The following NRXN3 variants were observed in gnomAD, a reference collection of about 807,000 sequenced individuals.
NRXN3 encodes neurexin III.
NRXN3 carries 32 observed loss-of-function variants against 137.6 expected under a neutral mutation model. The ratio of observed to expected loss-of-function variants is 0.23; its 90% CI spans 0.18 to 0.31. The LOEUF (loss-of-function observed/expected upper bound fraction) is 0.31, where lower values mean the gene tolerates loss of function less well. Ranked by LOEUF, NRXN3 falls within the 10% of genes least tolerant of loss-of-function variation. The pLI is 1.00. For synonymous variants in NRXN3, 798 were observed against 784.5 expected (o/e 1.02, Z -0.29); for missense variants, 1,574 against 2,062.5 (o/e 0.76, Z 4.59).
chr14:78,252,864 C>T (rs879318416), intron 2 of NRXN3, among the ~76,000 whole-genome samples: 7 of 152,218 alleles, frequency 4.6e-5, no homozygotes, highest in Non-Finnish European at 7.3e-5. Context: ...AGGAGGGATA[C>T]GCTGGAAAGC....
At chr14:79,435,191 G>T (rs997868585) in intron 15 of NRXN3, among the ~76,000 whole-genome samples, 1 of 152,044 alleles carries the variant, frequency 6.6e-6, no homozygotes, top group African/African-American at 2.4e-5. Context: ...GAAGTAATTT[G>T]CTGAGGGATC....
chr14:78,793,476 G>A (rs1249056721), intron 8 of NRXN3, among the ~76,000 whole-genome samples: 1 of 152,138 alleles, frequency 6.6e-6, no homozygotes, highest in Non-Finnish European at 1.5e-5. Context: ...GTTTATTACA[G>A]CAAAAGTTAC....
At chr14:78,620,205 A>G (rs2097386991) in intron 4 of NRXN3, among the ~76,000 whole-genome samples, 1 of 152,180 alleles carries the variant, frequency 6.6e-6, no homozygotes, top group Admixed American at 6.5e-5. Flanking sequence ...AAGAAGAAAA[A>G]CACCAAATGC....
chr14:78,385,365 A>G (rs929877719), intron 4 of NRXN3, among the ~76,000 whole-genome samples: 6 of 151,990 alleles, frequency 3.9e-5, no homozygotes, highest in African/African-American at 1.5e-4. Flanking sequence ...ATAAAAAATT[A>G]TGAAAAGTGA....
chr14:79,174,299 C>G (rs1280252570), intron 15 of NRXN3, among the ~76,000 whole-genome samples: 7 of 151,930 alleles, frequency 4.6e-5, no homozygotes, highest in Admixed American at 4.6e-4. Context: ...TATCCTTAAA[C>G]CAATGAAAAG....
intron 15 of NRXN3, among the ~76,000 whole-genome samples, chr14:79,110,762 T>TTTTTTTTATTTATTTA (rs1555758036): frequency 7.2e-6 from 1 of 139,110 alleles, no homozygotes; most frequent in African/African-American, 2.7e-5. Flanking sequence ...GAAATTATTA[T>TTTTTTTTATTTATTTA]TTTATTTATT....
intron 15 of NRXN3, among the ~76,000 whole-genome samples, chr14:79,406,286 C>A (rs2095310362): frequency 7.0e-6 from 1 of 143,706 alleles, no homozygotes; most frequent in Admixed American, 7.1e-5. Flanking sequence ...CTCCCCTCTT[C>A]TCCCCTCCTC....
intron 20 of NRXN3, among the ~76,000 whole-genome samples, chr14:79,829,383 A>G (rs772171812): frequency 7.2e-5 from 11 of 152,348 alleles, no homozygotes; most frequent in South Asian, 2.1e-4. Context: ...CCTTCTATCA[A>G]CTGAGGAACA....
At chr14:79,356,071 T>G (rs1343762766) in intron 15 of NRXN3, among the ~76,000 whole-genome samples, 3 of 152,152 alleles carry the variant, frequency 2.0e-5, no homozygotes, top group African/African-American at 7.2e-5. Flanking sequence ...CAAAATTAGT[T>G]TTGTATTTTT....
In NRXN3 at chr14:79,469,204, A is replaced by G. The variant is rs115643679; in HGVS notation, c.3444+1802A>G. Among the ~76,000 whole-genome samples, 981 of 152,288 alleles carry G rather than the reference A, an allele frequency of 6.4e-3. 13 individuals are homozygous for G. The highest frequency in any genetic ancestry group is 0.023 in the African/African-American group (946 of 41,568). The stretch of plus-strand genomic sequence containing the variant: ...CAGACATGAGCATCTTTTTGAGTCA[A>G]ATAGTGTACTATTGTTTTATCCATT... On this transcript the variant is annotated intron_variant, in intron 16 of 20. Coordinates refer to ENST00000335750, the MANE Select transcript of NRXN3 (RefSeq NM_001330195.2).
Position 78,846,575 on chromosome 14 carries a change from C to A in NRXN3, c.2275+36231C>A, listed in dbSNP as rs145113334. On this transcript the variant is annotated intron_variant, in intron 10 of 20. Coordinates refer to ENST00000335750, the MANE Select transcript of NRXN3 (RefSeq NM_001330195.2). ...AAACAGGTGGTTATAAAGTTGCAAT[C>A]CTTCCATGAATTCCTTTATCTTTCC... Among the ~76,000 whole-genome samples, 569 of 152,158 alleles carry A rather than the reference C, an allele frequency of 3.7e-3. 2 individuals carry two copies. Among genetic ancestry groups the A allele is most frequent in the African/African-American group, 0.013 (534 of 41,540 alleles).
At chr14:78,660,992 A>C (rs2097835673) in intron 6 of NRXN3, among the ~76,000 whole-genome samples, 1 of 152,254 alleles carries the variant, frequency 6.6e-6, no homozygotes, top group Non-Finnish European at 1.5e-5. Context: ...GATGAATGCT[A>C]TCCCAGGATA....
chr14:78,845,765 A>T (rs949337215), intron 10 of NRXN3, among the ~76,000 whole-genome samples: 3 of 152,064 alleles, frequency 2.0e-5, no homozygotes, highest in African/African-American at 4.8e-5. Context: ...GATACATTAT[A>T]ATCTGCCTAT....
intron 15 of NRXN3, among the ~76,000 whole-genome samples, chr14:79,174,459 T>A (rs2061922): frequency 0.24 from 36,267 of 149,902 alleles, 4,713 homozygotes; most frequent in Non-Finnish European, 0.29. Flanking sequence ...AGCTTTTTTT[T>A]AAAAAAGATT....
intron 10 of NRXN3, among the ~76,000 whole-genome samples, chr14:78,837,373 C>T (rs963129050): frequency 1.3e-5 from 2 of 152,172 alleles, no homozygotes; most frequent in Middle Eastern, 3.4e-3. Context: ...AATGTTGGAT[C>T]CAACTGTGAA....
chr14:79,043,137 G>C (rs896547433), intron 15 of NRXN3, among the ~76,000 whole-genome samples: 3 of 152,140 alleles, frequency 2.0e-5, no homozygotes, highest in African/African-American at 7.2e-5. Flanking sequence ...AAAGTGGTGG[G>C]AATTATAGAA....
chr14:78,886,909 A>G (rs2099145483), intron 10 of NRXN3, among the ~76,000 whole-genome samples: 1 of 152,168 alleles, frequency 6.6e-6, no homozygotes. Context: ...GAATCATACC[A>G]TAACCTAAGA....
chr14:79,050,900 A>G (rs2099640876), intron 15 of NRXN3, among the ~76,000 whole-genome samples: 1 of 152,230 alleles, frequency 6.6e-6, no homozygotes, highest in African/African-American at 2.4e-5. Flanking sequence ...AATATGATAC[A>G]AATTCTCTCA....
chr14:79,670,788 C>T (rs1319646101), intron 17 of NRXN3, among the ~76,000 whole-genome samples: 1 of 152,040 alleles, frequency 6.6e-6, no homozygotes, highest in Admixed American at 6.6e-5. Flanking sequence ...ATAATTGTAC[C>T]TGCAGGTGTA....
Sources: allele counts gnomAD v4.1 joint callset (sites outside exome capture counted in the v4.1 genomes callset), GRCh38; gene constraint gnomAD v4.1.1; transcripts MANE v1.5; gene names NCBI Gene and HGNC (gene_info 2026-07-23, HGNC 2026-07-21).